DIS3L2: variants seen among roughly 807,000 people sequenced by gnomAD.
DIS3L2 encodes DIS3-like exonuclease 2.
Under a neutral mutation model 97.5 loss-of-function variants are expected in DIS3L2, and 34 were observed. The observed-to-expected ratio is 0.35, with a 90% CI of 0.27 to 0.46. DIS3L2 has a LOEUF of 0.46. Ranked by LOEUF, DIS3L2 falls within the 20% of genes least tolerant of loss-of-function variation. The pLI, the probability that DIS3L2 is intolerant of heterozygous loss-of-function variation, is 1.00. For synonymous variants in DIS3L2, 435 were observed against 445.2 expected (o/e 0.98, Z 0.29); for missense variants, 1,038 against 1,146.0 (o/e 0.91, Z 1.36).
At chr2:232,070,736 C>T (rs1695991093) in intron 5 of DIS3L2, among the ~76,000 whole-genome samples, 1 of 152,072 alleles carries the variant, frequency 6.6e-6, no homozygotes, top group African/African-American at 2.4e-5. Context: ...AGGCGCGTAC[C>T]ACCACACCCA....
chr2:232,129,593 G>A (rs1269016215), intron 6 of DIS3L2, among the ~76,000 whole-genome samples: 1 of 152,206 alleles, frequency 6.6e-6, no homozygotes, highest in Non-Finnish European at 1.5e-5. Flanking sequence ...AGATGGAAAA[G>A]CAAACAGTTG....
rs1276969320 is a variant in DIS3L2 at position 232,210,429 on chromosome 2, T to A, written c.1204+24T>A. Reference sequence around the variant, plus strand: ...CGGTAGGATGGAAATTTCTATAGCATCTTGGGTAGCAGGCAGTCTGCATGC... The same window carrying A: ...CGGTAGGATGGAAATTTCTATAGCAACTTGGGTAGCAGGCAGTCTGCATGC... On this transcript the variant is annotated intron_variant, in intron 10 of 20. Transcript: ENST00000325385. The A allele has an allele frequency of 3.7e-6, 6 of 1,603,820 alleles. No individual in the cohort carries two copies. The East Asian group carries it at 1.3e-4, about 36-fold the overall frequency.
At chr2:231,987,457 T>G (rs1190026423) in intron 1 of DIS3L2, among the ~76,000 whole-genome samples, 1 of 152,258 alleles carries the variant, frequency 6.6e-6, no homozygotes, top group Non-Finnish European at 1.5e-5. Context: ...ATAGGTTTTA[T>G]ATTTAATGTG....
At chr2:232,160,187 G>T (rs1305501003) in intron 8 of DIS3L2, among the ~76,000 whole-genome samples, 1 of 152,118 alleles carries the variant, frequency 6.6e-6, no homozygotes, top group African/African-American at 2.4e-5. Flanking sequence ...TGTAGAATTG[G>T]CAATAATTCT....
intron 14 of DIS3L2, among the ~76,000 whole-genome samples, chr2:232,307,097 G>A (rs564810794): frequency 9.8e-5 from 15 of 152,376 alleles, no homozygotes; most frequent in East Asian, 9.6e-4. Context: ...GCCCTGTGCC[G>A]TGCCTGTCTG....
rs58575560 is a variant in DIS3L2 at position 232,092,988 on chromosome 2, T to C, written c.601+5267T>C. Among the ~76,000 whole-genome samples, 6,838 of 152,210 alleles carry C rather than the reference T, an allele frequency of 0.045. 843 individuals carry two copies. The East Asian group carries it at 0.47, about 11-fold the overall frequency. ...TGTTCCAGACCTTAGAAGAAAGTCT[T>C]AGTTTTTCCCCATTCAGTTTGATAT... On this transcript the variant is annotated intron_variant, in intron 6 of 20. Transcript: ENST00000325385.
intron 14 of DIS3L2, chr2:232,328,693 G>C (rs1048214914): frequency 6.6e-6 from 1 of 152,332 alleles, no homozygotes; most frequent in African/African-American, 2.4e-5. Context: ...GAAAGGCAGG[G>C]AAGGCAGAGT....
chr2:232,247,800 C>G (rs1693303204), intron 11 of DIS3L2, among the ~76,000 whole-genome samples: 1 of 152,006 alleles, frequency 6.6e-6, no homozygotes, highest in South Asian at 2.1e-4. Context: ...TTGACATATA[C>G]AAGAAAATGT....
intron 5 of DIS3L2, among the ~76,000 whole-genome samples, chr2:232,063,826 C>T (rs1370903268): frequency 6.6e-6 from 1 of 152,042 alleles, no homozygotes; most frequent in Non-Finnish European, 1.5e-5. Flanking sequence ...TTAACTGAAG[C>T]GTCACCTCAC....
chr2:232,050,223 A>G (rs1423969023), intron 5 of DIS3L2, among the ~76,000 whole-genome samples: 2 of 151,988 alleles, frequency 1.3e-5, no homozygotes, highest in Non-Finnish European at 1.5e-5. Context: ...TCTATTCAGT[A>G]TGTTTGTTTT....
At chr2:232,051,668 C>T (rs895342978) in intron 5 of DIS3L2, among the ~76,000 whole-genome samples, 20 of 150,678 alleles carry the variant, frequency 1.3e-4, no homozygotes, top group African/African-American at 2.2e-4. Flanking sequence ...AAAAATTAGC[C>T]GGGCGTAGTG....
chr2:232,302,556 CT>C (rs10708239), intron 14 of DIS3L2, among the ~76,000 whole-genome samples: 16,997 of 140,382 alleles, frequency 0.12, 1,711 homozygotes, highest in East Asian at 0.45. Context: ...TCTTCTTCTT[CT>C]TTTTTTTTTT....
intron 5 of DIS3L2, among the ~76,000 whole-genome samples, chr2:232,070,337 T>A (rs1423358301): frequency 9.5e-6 from 1 of 105,302 alleles, no homozygotes; most frequent in Non-Finnish European, 2.3e-5. Flanking sequence ...ATTTACTTCC[T>A]GCCTTTTTGT....
At chr2:232,302,099 A>G (rs914781685) in intron 14 of DIS3L2, among the ~76,000 whole-genome samples, 33 of 152,062 alleles carry the variant, frequency 2.2e-4, no homozygotes, top group African/African-American at 8.0e-4. Context: ...TCTAAAAGAA[A>G]ATACTTGTGT....
intron 6 of DIS3L2, among the ~76,000 whole-genome samples, chr2:232,095,934 T>G (rs1459251989): frequency 1.3e-5 from 2 of 152,110 alleles, no homozygotes; most frequent in African/African-American, 4.8e-5. Flanking sequence ...GTGTTGTAGC[T>G]CCATTGTATG....
intron 13 of DIS3L2, among the ~76,000 whole-genome samples, chr2:232,291,938 T>G (rs1415768024): frequency 6.6e-6 from 1 of 152,228 alleles, no homozygotes; most frequent in Non-Finnish European, 1.5e-5. Context: ...CCTCGAAACC[T>G]CTGATGTGGC....
chr2:232,020,601 C>T (rs1397049117), intron 3 of DIS3L2, among the ~76,000 whole-genome samples: 1 of 152,076 alleles, frequency 6.6e-6, no homozygotes, highest in East Asian at 1.9e-4. Flanking sequence ...GGATAGCTGG[C>T]ATACATGAGT....
intron 14 of DIS3L2, 28 bp from the exon 15 acceptor site, chr2:232,329,785 T>TCCCCGGGGGGGCCACCCCC: frequency 2.1e-6 from 2 of 967,144 alleles, no homozygotes; most frequent in Non-Finnish European, 2.9e-6. Context: ...ACCCCAGCGG[T>TCCCCGGGGGGGCCACCCCC]CCCTCCCATC....
chr2:232,330,213 G>C (rs569598221), intron 15 of DIS3L2, among the ~76,000 whole-genome samples: 27 of 152,344 alleles, frequency 1.8e-4, no homozygotes, highest in East Asian at 3.9e-4. Flanking sequence ...TGTGCCAAGC[G>C]GGGGGACCCT....
Sources: gnomAD v4.1 joint callset for allele counts (sites outside exome capture counted in the v4.1 genomes callset) on GRCh38, gnomAD v4.1.1 for gene constraint, MANE v1.5 for transcripts, NCBI Gene and HGNC (gene_info 2026-07-23, HGNC 2026-07-21) for gene names.